SIDT1: variants seen among roughly 807,000 people sequenced by gnomAD.
SIDT1 encodes the protein SID1 transmembrane family member 1.
Under a neutral mutation model 107.5 loss-of-function variants are expected in SIDT1, and 101 were observed. The observed-to-expected ratio is 0.94, with a 90% CI of 0.80 to 1.11. The LOEUF (loss-of-function observed/expected upper bound fraction) is 1.11. SIDT1 is among the 50% of genes least tolerant of loss of function. The probability of loss-of-function intolerance (pLI) is 0.00; values close to 1 mark genes in which losing one functional copy is unlikely to be tolerated. For missense variants in SIDT1, 1,076 were observed against 1,058.2 expected, an observed-to-expected ratio of 1.02 and a Z score of -0.23; for synonymous variants, 395 against 398.2, an observed-to-expected ratio of 0.99 and a Z score of 0.10.
In SIDT1 at chr3:113,584,711, GACCTGGAATCT is replaced by G. The variant is rs1423541482; in HGVS notation, c.852_862del (p.Trp285AlafsTer6). The G allele has an allele frequency of 1.3e-6, 2 of 1,597,940 alleles. No individual in the cohort carries two copies. Among genetic ancestry groups the G allele is most frequent in the African/African-American group, 2.7e-5 (2 of 73,636 alleles). On this transcript the variant is annotated frameshift_variant, in exon 8 of 25. Coordinates refer to ENST00000264852, the MANE Select transcript of SIDT1 (RefSeq NM_017699.3). LOFTEE classifies it high-confidence loss of function. ...TTTTTAAACCAGAAAAGGAAAACCA[GACCTGGAATCT>G]ACAGCGAAAAAAGAACCTTGAAGTG...
chr3:113,618,080 T>C (rs1323267559), intron 20 of SIDT1, among the ~76,000 whole-genome samples: 2 of 152,232 alleles, frequency 1.3e-5, no homozygotes, highest in African/African-American at 2.4e-5. Flanking sequence ...GCTCGGCCTA[T>C]TCATCCCTCC....
intron 1 of SIDT1, among the ~76,000 whole-genome samples, chr3:113,552,841 C>T (rs1940422416): frequency 6.6e-6 from 1 of 152,228 alleles, no homozygotes; most frequent in South Asian, 2.1e-4. Context: ...CATCCATGGG[C>T]AGCCTTGCTT....
intron 9 of SIDT1, among the ~76,000 whole-genome samples, chr3:113,591,678 G>A (rs981114675): frequency 6.6e-6 from 1 of 152,232 alleles, no homozygotes; most frequent in Non-Finnish European, 1.5e-5. Context: ...CTGGGCGACA[G>A]AGCGAGACTC....
intron 9 of SIDT1, among the ~76,000 whole-genome samples, chr3:113,592,352 A>G (rs1243360397): frequency 6.6e-6 from 1 of 152,226 alleles, no homozygotes; most frequent in African/African-American, 2.4e-5. Context: ...TATGCACTTT[A>G]AAGGGTGAAT....
chr3:113,593,346 C>T (rs116498005), intron 10 of SIDT1, among the ~76,000 whole-genome samples: 2,019 of 152,228 alleles, frequency 0.013, 48 homozygotes, highest in African/African-American at 0.046. Flanking sequence ...ACTCCACCTC[C>T]GCTCAGATCA....
intron 7 of SIDT1, 139 bp from the exon 8 acceptor site, chr3:113,584,559 C>T (rs1215444489): frequency 1.6e-6 from 1 of 619,856 alleles, no homozygotes; most frequent in African/African-American, 1.9e-5. Context: ...TTACATATTC[C>T]TCCAGTTCTT....
At chr3:113,595,042 T>C (rs945408306) in intron 10 of SIDT1, 1 of 154,150 alleles carries the variant, frequency 6.5e-6, no homozygotes, top group Non-Finnish European at 1.5e-5. Context: ...CATACACTTA[T>C]TGTTAAACCA....
chr3:113,600,590 CAGCAGT>C, intron 10 of SIDT1, among the ~76,000 whole-genome samples: 1 of 152,306 alleles, frequency 6.6e-6, no homozygotes, highest in Admixed American at 6.5e-5. Context: ...CTGGTAGCAG[CAGCAGT>C]AGCAGCTGCA....
In SIDT1 at chr3:113,532,971, C is replaced by A. The variant is rs1441602708; in HGVS notation, c.-51C>A. 8.2e-6 allele frequency: 10 copies of A among 1,226,652 alleles called. No homozygotes were observed. The highest frequency in any genetic ancestry group is 6.3e-6 in the Non-Finnish European group (6 of 955,782). The allele number at this position is 1,226,652 out of a possible 1,614,324, so 76.0% of individuals were successfully genotyped here. ...GCTTTGGAAGGACCCTCTCTGCGCT[C>A]GCCCCCTCCCCAGGGTGGCTCCGCT... On this transcript the variant is annotated 5_prime_UTR_variant, in exon 1 of 25. Transcript: ENST00000264852.
At chr3:113,576,310 G>C (rs1051878021) in intron 3 of SIDT1, among the ~76,000 whole-genome samples, 4 of 152,158 alleles carry the variant, frequency 2.6e-5, no homozygotes, top group Admixed American at 2.6e-4. Flanking sequence ...TTTTAAAGGA[G>C]GGTCTTGGAA....
At chr3:113,616,059 G>A (rs1436614255) in intron 19 of SIDT1, 41 bp from the exon 20 acceptor site, 2 of 1,432,354 alleles carry the variant, frequency 1.4e-6, no homozygotes, top group African/African-American at 2.8e-5. Context: ...TTGTATTTTT[G>A]TTGACTAAGC....
intron 17 of SIDT1, among the ~76,000 whole-genome samples, chr3:113,609,288 A>T (rs1945570883): frequency 6.6e-6 from 1 of 150,762 alleles, no homozygotes; most frequent in Non-Finnish European, 1.5e-5. Flanking sequence ...CTGGTCTCAA[A>T]CTCCTAACCT....
At chr3:113,606,871 C>A in intron 14 of SIDT1, 170 bp from the exon 15 acceptor site, 1 of 503,532 alleles carries the variant, frequency 2.0e-6, no homozygotes, top group Non-Finnish European at 3.6e-6. Context: ...AAAAAAGTGC[C>A]TGTGCTGTGT....
At chr3:113,575,680 A>G (rs1486308461) in intron 3 of SIDT1, among the ~76,000 whole-genome samples, 1 of 152,224 alleles carries the variant, frequency 6.6e-6, no homozygotes, top group African/African-American at 2.4e-5. Context: ...TTACCTTTAT[A>G]AATAGTGCTC....
At chr3:113,583,846 G>A (rs1304085478) in intron 7 of SIDT1, among the ~76,000 whole-genome samples, 1 of 152,130 alleles carries the variant, frequency 6.6e-6, no homozygotes, top group African/African-American at 2.4e-5. Context: ...TCTTAAGATG[G>A]GGTGGTAACC....
At chr3:113,596,452 A>G (rs1014940656) in intron 10 of SIDT1, among the ~76,000 whole-genome samples, 1 of 152,218 alleles carries the variant, frequency 6.6e-6, no homozygotes, top group Non-Finnish European at 1.5e-5. Context: ...TGTATTTCAT[A>G]CTTCATGGGA....
intron 1 of SIDT1, among the ~76,000 whole-genome samples, chr3:113,547,598 A>G (rs1170474099): frequency 1.3e-5 from 2 of 152,170 alleles, no homozygotes; most frequent in Non-Finnish European, 2.9e-5. Flanking sequence ...AGCAAGTTGA[A>G]CAAGAAGAGT....
At position 113,616,132 on chromosome 3, in the gene SIDT1, T is replaced by C. The variant is rs1280505570; in HGVS notation, c.1999T>C (p.Phe667Leu). The change falls in exon 20 of 25, where the codon TTC (phenylalanine) becomes CTC (leucine). Residue 667 changes from phenylalanine to leucine, a missense_variant. Transcript: ENST00000264852. Reference sequence around the variant, plus strand: ...AATTTTCCGGCGGGCTGCCATGGTGTTCTACACAGACTGTATCCAGCAGTG... The same window carrying C: ...AATTTTCCGGCGGGCTGCCATGGTGCTCTACACAGACTGTATCCAGCAGTG... ...LGIFRRAAMVFYTDCIQQCSR... is the reference protein window; with the variant it reads ...LGIFRRAAMVLYTDCIQQCSR... The C allele has an allele frequency of 6.2e-7, 1 of 1,613,938 alleles. No individual in the cohort carries two copies. The highest frequency in any genetic ancestry group is 1.7e-5 in the Admixed American group (1 of 60,026).
intron 14 of SIDT1, 68 bp downstream of exon 14, chr3:113,605,044 A>T: frequency 6.5e-7 from 1 of 1,544,098 alleles, no homozygotes; most frequent in Non-Finnish European, 8.9e-7. Context: ...CTCCACTGTG[A>T]CTGACAGAGA....
Sources: gnomAD v4.1 joint callset for allele counts (sites outside exome capture counted in the v4.1 genomes callset) on GRCh38, gnomAD v4.1.1 for gene constraint, MANE v1.5 for transcripts, NCBI Gene and HGNC (gene_info 2026-07-23, HGNC 2026-07-21) for gene names.